The following MAU2 variants were observed in gnomAD, a reference collection of about 807,000 sequenced individuals.
The protein encoded by MAU2 is MAU2 sister chromatid cohesion factor.
Under a neutral mutation model 89.1 loss-of-function variants are expected in MAU2, and 9 were observed. That is an observed-to-expected ratio of 0.10 (90% confidence interval 0.06 to 0.18). The LOEUF (loss-of-function observed/expected upper bound fraction) is 0.18. Among genes scored for constraint, MAU2 ranks in the 10% least tolerant of loss-of-function variants. The probability of loss-of-function intolerance (pLI) is 1.00; values close to 1 mark genes in which losing one functional copy is unlikely to be tolerated. For missense variants in MAU2, 425 were observed against 803.5 expected (o/e 0.53, Z 5.69); for synonymous variants, 357 against 343.4 (o/e 1.04, Z -0.44).
intron 1 of MAU2, among the ~76,000 whole-genome samples, chr19:19,326,706 A>ATATATATATACACATATATATCTGTG (rs1555792839): frequency 1.1e-5 from 1 of 86,984 alleles, no homozygotes; most frequent in Non-Finnish European, 2.6e-5. Context: ...ATATATGTAT[A>ATATATATATACACATATATATCTGTG]TATATATATA....
rs1469394029 is a variant in MAU2 at position 19,344,021 on chromosome 19, C to T, written c.1077+81C>T. 3.6e-6 allele frequency: 4 copies of T among 1,109,690 alleles called. No individual in the cohort carries two copies. In the East Asian group the frequency reaches 9.6e-5, roughly 27 times the overall value. 68.7% of individuals were successfully genotyped at this position (1,109,690 alleles called of 1,614,324 possible). A position where few individuals can be genotyped will look rare whatever the true frequency, so the allele number is the denominator to read the frequency against. On this transcript the variant is annotated intron_variant, in intron 10 of 18. Transcript: ENST00000262815. ...GTGTCAGACAAGAGACTGAATTCGCCAAGTGCATACTGGCAGGCCAGCCCA... is the reference window on the plus strand; with the variant it reads ...GTGTCAGACAAGAGACTGAATTCGCTAAGTGCATACTGGCAGGCCAGCCCA...
chr19:19,346,604 G>A lies in MAU2; in HGVS notation c.1222-676G>A, dbSNP rs564856922. ...GCCTCCTGGGTGTGTGCCAGGAGGG[G>A]ATCTGTGCAGGTGGGGTCTGTGCTT... is the stretch of plus-strand genomic sequence containing the variant. On this transcript the variant is annotated intron_variant, in intron 12 of 18. Coordinates refer to ENST00000262815, the MANE Select transcript of MAU2 (RefSeq NM_015329.4). 2.0e-5 allele frequency among the ~76,000 whole-genome samples: 3 copies of A among 152,238 alleles called. No homozygotes were observed. The South Asian group carries it at 6.2e-4, about 32-fold the overall frequency.
rs774507321 is a variant in MAU2, at chr19:19,349,273, G to T, written c.1436+41G>T. 1.7e-5 allele frequency: 27 copies of T among 1,613,694 alleles called. No individual in the cohort carries two copies. The South Asian group carries it at 3.0e-4, about 18-fold the overall frequency. ...AGGGTGGCGTGAGGGCCATGCTCAG[G>T]GTAGCCCAGGCCCCGTCCTGCAGTT... is the stretch of plus-strand genomic sequence containing the variant. On this transcript the variant is annotated intron_variant, in intron 15 of 18. Transcript: ENST00000262815.
At chr19:19,332,946 G>A (rs922620585) in intron 1 of MAU2, among the ~76,000 whole-genome samples, 1 of 152,026 alleles carries the variant, frequency 6.6e-6, no homozygotes, top group East Asian at 1.9e-4. Flanking sequence ...GCATGGTGGC[G>A]CATGCCTGTA....
chr19:19,342,470 TGGG>T, intron 7 of MAU2, 62 bp from the exon 8 acceptor site: 21 of 1,500,856 alleles, frequency 1.4e-5, no homozygotes, highest in South Asian at 5.4e-5. Flanking sequence ...CAGGGGTGGC[TGGG>T]CTGGGCCTGG....
chr19:19,323,197 T>A (rs2146646986), intron 1 of MAU2, among the ~76,000 whole-genome samples: 1 of 151,254 alleles, frequency 6.6e-6, no homozygotes, highest in Non-Finnish European at 1.5e-5. Context: ...CCAGATAATT[T>A]TTTTTCTTTT....
intron 10 of MAU2, 69 bp from the exon 11 acceptor site, chr19:19,344,780 C>T (rs2061680233): frequency 7.6e-7 from 1 of 1,321,274 alleles, no homozygotes; most frequent in Non-Finnish European, 1.1e-6. Flanking sequence ...TATGGGGTCT[C>T]TCCATTGCTG....
chr19:19,346,184 C>T (rs973036477), intron 12 of MAU2, among the ~76,000 whole-genome samples: 1 of 152,160 alleles, frequency 6.6e-6, no homozygotes, highest in African/African-American at 2.4e-5. Flanking sequence ...GACATGCAGA[C>T]AGCATGCTTG....
Position 19,349,137 on chromosome 19 carries a change from A to G in MAU2, c.1359-18A>G, listed in dbSNP as rs2061720722. Reference sequence around the variant, plus strand: ...TCTCAAAATCACCACCCCATGTGATACTGCACTCTCCCTGCAGCTCGCACT... The same window carrying G: ...TCTCAAAATCACCACCCCATGTGATGCTGCACTCTCCCTGCAGCTCGCACT... On this transcript the variant is annotated intron_variant, in intron 14 of 18. Coordinates refer to ENST00000262815, the MANE Select transcript of MAU2 (RefSeq NM_015329.4). 3 of 1,613,686 alleles carry G rather than the reference A, an allele frequency of 1.9e-6. No individual in the cohort carries two copies. Among genetic ancestry groups the G allele is most frequent in the South Asian group, 2.2e-5 (2 of 91,080 alleles).
In MAU2 at chr19:19,358,065, GT is replaced by G. The variant is rs2146721217; in HGVS notation, c.*2284del. The G allele has an allele frequency of 6.7e-6, 1 of 149,542 alleles. No homozygotes were observed. Among genetic ancestry groups the G allele is most frequent in the African/African-American group, 2.5e-5 (1 of 40,670 alleles). 9.3% of individuals were successfully genotyped at this position (149,542 alleles called of 1,614,324 possible). On this transcript the variant is annotated 3_prime_UTR_variant, in exon 19 of 19. Coordinates refer to ENST00000262815, the MANE Select transcript of MAU2 (RefSeq NM_015329.4). The stretch of plus-strand genomic sequence containing the variant: ...ACACTGCACTCCAGCCTGGGTGACG[GT>G]GAGACTTTGTCTCAAAAAAAAAAAA...
chr19:19,351,111 C>T (rs979882980), intron 16 of MAU2, among the ~76,000 whole-genome samples: 1 of 151,962 alleles, frequency 6.6e-6, no homozygotes, highest in Non-Finnish European at 1.5e-5. Context: ...GGCATGATCT[C>T]AGCTCAGCTC....
In MAU2 at chr19:19,342,551, C is replaced by T. The variant is rs1162788410; in HGVS notation, c.752C>T (p.Pro251Leu). ...GCTGCACAGGTGAAGAGCGTGAAGCCGTGTCTGAAGCAGCTGCAGCAGTGC... is the reference window on the plus strand; with the variant it reads ...GCTGCACAGGTGAAGAGCGTGAAGCTGTGTCTGAAGCAGCTGCAGCAGTGC... ...LDAGQVKSVK[P>L]CLKQLQQCIQ... Residue 251 changes from proline (P) to leucine (L), a missense_variant, in exon 8 of 19, where the codon CCG becomes CTG. This residue lies in a region of MAU2 where 119 missense variants were observed against 299.8 expected (regional missense o/e 0.40). Coordinates refer to ENST00000262815, the MANE Select transcript of MAU2 (RefSeq NM_015329.4). 3.8e-6 allele frequency: 6 copies of T among 1,596,198 alleles called. No individual in the cohort carries two copies. The highest frequency in any genetic ancestry group is 1.3e-5 in the African/African-American group (1 of 74,814).
chr19:19,338,672 T>G (rs1195070293), intron 4 of MAU2, among the ~76,000 whole-genome samples, 173 bp from the exon 5 acceptor site: 2 of 152,238 alleles, frequency 1.3e-5, no homozygotes, highest in Non-Finnish European at 2.9e-5. Flanking sequence ...TGGAGCTGTG[T>G]ACCCAAAGCA....
chr19:19,343,385 A>G (rs2061668668), intron 9 of MAU2, among the ~76,000 whole-genome samples: 1 of 152,160 alleles, frequency 6.6e-6, no homozygotes, highest in Non-Finnish European at 1.5e-5. Flanking sequence ...GAGCCAAGGC[A>G]GCCCAAAGCC....
At chr19:19,321,211 C>G in intron 1 of MAU2, 76 bp downstream of exon 1, 1 of 1,401,542 alleles carries the variant, frequency 7.1e-7, no homozygotes, top group Non-Finnish European at 9.3e-7. Flanking sequence ...GCGACCGCGG[C>G]GGGTGGGGGG....
Position 19,356,048 on chromosome 19 carries a change from C to T in MAU2, c.*266C>T, listed in dbSNP as rs186424858. The T allele has an allele frequency of 1.6e-4, 98 of 625,018 alleles. No homozygotes were observed. The East Asian group carries it at 2.7e-3, about 17-fold the overall frequency. 38.7% of individuals were successfully genotyped at this position (625,018 alleles called of 1,614,324 possible). On this transcript the variant is annotated 3_prime_UTR_variant, in exon 19 of 19. Coordinates refer to ENST00000262815, the MANE Select transcript of MAU2 (RefSeq NM_015329.4). ...CATCCTTCAGAGTGGACCTCAGTGCCAGTCCTGCCTCAGCATCTGGGTCAC... is the reference window on the plus strand; with the variant it reads ...CATCCTTCAGAGTGGACCTCAGTGCTAGTCCTGCCTCAGCATCTGGGTCAC...
chr19:19,338,809 T>A (rs1245226763), intron 4 of MAU2, 36 bp from the exon 5 acceptor site: 2 of 1,534,710 alleles, frequency 1.3e-6, no homozygotes, highest in Non-Finnish European at 1.8e-6. Context: ...ACTGATGGGT[T>A]TGGCAGCAAA....
At chr19:19,347,712 C>T (rs2061705422) in intron 13 of MAU2, 1 of 191,850 alleles carries the variant, frequency 5.2e-6, no homozygotes, top group Admixed American at 5.8e-5. Flanking sequence ...GGGCAGCAGC[C>T]AGAGCACCTT....
chr19:19,329,300 C>G (rs1320105296), intron 1 of MAU2, among the ~76,000 whole-genome samples: 1 of 152,160 alleles, frequency 6.6e-6, no homozygotes, highest in Non-Finnish European at 1.5e-5. Context: ...GTTTTTGTTT[C>G]TATTTCCTTC....
Sources: gnomAD v4.1 joint callset for allele counts (sites outside exome capture counted in the v4.1 genomes callset) on GRCh38, gnomAD v4.1.1 for gene constraint, gnomAD v4.1.1 regional missense constraint, MANE v1.5 for transcripts, NCBI Gene and HGNC (gene_info 2026-07-23, HGNC 2026-07-21) for gene names.